SHROOM4: variants seen among roughly 807,000 people sequenced by gnomAD.
The protein encoded by SHROOM4 is shroom family member 4.
In SHROOM4, 17 loss-of-function variants were observed where a neutral mutation model predicts 80.3. That is an observed-to-expected ratio of 0.21 (90% confidence interval 0.14 to 0.32). The LOEUF is 0.32. Ranked by LOEUF, SHROOM4 falls within the 10% of genes least tolerant of loss-of-function variation. SHROOM4 has a pLI of 1.00. For missense variants in SHROOM4, 993 were observed against 1,140.3 expected, an observed-to-expected ratio of 0.87 and a Z score of 1.86; for synonymous variants, 400 against 437.5, an observed-to-expected ratio of 0.91 and a Z score of 1.07.
rs782042090 is a variant in SHROOM4 at position 50,634,350 on chromosome X, G to A, written c.1723C>T (p.Arg575Trp). 6 of 1,210,992 alleles carry A rather than the reference G, an allele frequency of 5.0e-6. No individual in the cohort carries two copies. In the East Asian group the frequency reaches 8.9e-5, roughly 18 times the overall value. ...RMGGRRSGGT[R>W]GRSIQNRRKS... ...CGCCGGTTTTGGATCGAGCGGCCCC[G>A]GGTCCCTCCACTTCGCCTACCACCC... Residue 575 changes from arginine (R) to tryptophan (W), a missense_variant, in exon 4 of 9, where the codon CGG becomes TGG. Transcript: ENST00000376020.
At chrX:50,810,096 G>C (rs1371130189) in intron 1 of SHROOM4, among the ~76,000 whole-genome samples, 1 of 111,121 alleles carries the variant, frequency 9.0e-6, no homozygotes, top group Non-Finnish European at 1.9e-5. Context: ...TCTTACCTAA[G>C]CCTCCTGAGT....
intron 1 of SHROOM4, among the ~76,000 whole-genome samples, chrX:50,777,403 G>A (rs1248812504): frequency 1.8e-5 from 2 of 112,282 alleles, no homozygotes; most frequent in Non-Finnish European, 3.8e-5. Flanking sequence ...ATGTTTAAAT[G>A]AGGATGTATA....
intron 1 of SHROOM4, among the ~76,000 whole-genome samples, chrX:50,790,423 G>A (rs1365232904): frequency 9.0e-6 from 1 of 111,381 alleles, no homozygotes; most frequent in Non-Finnish European, 1.9e-5. Flanking sequence ...AAAAATTGAA[G>A]AGAAGGGAAC....
chrX:50,743,589 C>T (rs1557267412), intron 1 of SHROOM4, among the ~76,000 whole-genome samples: 1 of 110,162 alleles, frequency 9.1e-6, no homozygotes, highest in African/African-American at 3.3e-5. Flanking sequence ...TCCTGAGTAG[C>T]TCAGACTATA....
intron 2 of SHROOM4, among the ~76,000 whole-genome samples, chrX:50,694,319 T>C (rs1247880751): frequency 9.1e-6 from 1 of 109,507 alleles, no homozygotes; most frequent in Non-Finnish European, 1.9e-5. Context: ...TTCACACTCC[T>C]ACCAACAGTG....
chrX:50,740,224 C>G (rs1309931259), intron 1 of SHROOM4, among the ~76,000 whole-genome samples: 1 of 100,431 alleles, frequency 1.0e-5, no homozygotes, highest in Non-Finnish European at 2.0e-5. Flanking sequence ...GGAGATATAC[C>G]TAATGCTAAA....
At chrX:50,642,905 G>A (rs1184221962) in intron 2 of SHROOM4, among the ~76,000 whole-genome samples, 2 of 111,576 alleles carry the variant, frequency 1.8e-5, no homozygotes, top group Non-Finnish European at 3.8e-5. Flanking sequence ...GATACCACAC[G>A]ACCCCTCCTC....
In SHROOM4 at chrX:50,594,366, C is replaced by A. The variant is rs1258367778; in HGVS notation, c.*2329G>T. The stretch of plus-strand genomic sequence containing the variant: ...GGTTATTTTTTAAATGCTTTGGCAA[C>A]TTTCCCTCCATGTGAAAATGAGCAT... On this transcript the variant is annotated 3_prime_UTR_variant, in exon 9 of 9. Coordinates refer to ENST00000376020, the MANE Select transcript of SHROOM4 (RefSeq NM_020717.5). The A allele has an allele frequency of 1.8e-5, 2 of 112,415 alleles. No individual in the cohort carries two copies. The highest frequency in any genetic ancestry group is 3.2e-5 in the African/African-American group (1 of 30,931). The allele number at this position is 112,415 out of a possible 1,213,427, so 9.3% of individuals were successfully genotyped here.
chrX:50,765,872 C>T (rs1557269293), intron 1 of SHROOM4, among the ~76,000 whole-genome samples: 2 of 111,896 alleles, frequency 1.8e-5, no homozygotes, highest in African/African-American at 6.5e-5. Flanking sequence ...CTACTTTAAA[C>T]TAGCCCTAAC....
At chrX:50,736,000 G>A (rs1423181209) in intron 1 of SHROOM4, among the ~76,000 whole-genome samples, 2 of 99,448 alleles carry the variant, frequency 2.0e-5, no homozygotes, top group Non-Finnish European at 4.1e-5. Context: ...GAACGAGACT[G>A]TTTCAAAAAA....
At chrX:50,784,552 T>C (rs1175436378) in intron 1 of SHROOM4, among the ~76,000 whole-genome samples, 1 of 111,985 alleles carries the variant, frequency 8.9e-6, no homozygotes, top group Non-Finnish European at 1.9e-5. Flanking sequence ...GACGTCCATA[T>C]GCAAAAACAA....
intron 1 of SHROOM4, among the ~76,000 whole-genome samples, chrX:50,788,457 A>AT (rs1557271268): frequency 9.0e-6 from 1 of 110,819 alleles, no homozygotes; most frequent in Non-Finnish European, 1.9e-5. Flanking sequence ...AATACAAAAA[A>AT]TTAGCCGGGC....
chrX:50,630,041 G>A (rs1349507211), intron 4 of SHROOM4, among the ~76,000 whole-genome samples: 2 of 111,029 alleles, frequency 1.8e-5, no homozygotes, highest in African/African-American at 6.6e-5. Flanking sequence ...CTGCTTAGCT[G>A]GTCTAACAAG....
chrX:50,762,649 T>C (rs782133460), intron 1 of SHROOM4, among the ~76,000 whole-genome samples: 2 of 111,904 alleles, frequency 1.8e-5, no homozygotes, highest in Admixed American at 9.5e-5. Context: ...TTCTGAAAGG[T>C]AGTTTTGCCA....
At chrX:50,744,031 G>A (rs782759331) in intron 1 of SHROOM4, among the ~76,000 whole-genome samples, 31 of 111,266 alleles carry the variant, frequency 2.8e-4, no homozygotes, top group Middle Eastern at 9.3e-3. Flanking sequence ...CTGCTTTCAG[G>A]ATTTTCCCTT....
chrX:50,622,000 C>T (rs1178913721), intron 5 of SHROOM4, among the ~76,000 whole-genome samples: 1 of 111,835 alleles, frequency 8.9e-6, no homozygotes, highest in Non-Finnish European at 1.9e-5. Flanking sequence ...GCCTGTTTGA[C>T]CTTGGGCAAA....
At chrX:50,792,508 G>GA (rs781965123) in intron 1 of SHROOM4, among the ~76,000 whole-genome samples, 99 of 94,401 alleles carry the variant, frequency 1.0e-3, no homozygotes, top group Middle Eastern at 0.01. Context: ...TCTCTCTCAG[G>GA]AAAAAAAAAA....
At chrX:50,658,962 T>C (rs1557259727) in intron 2 of SHROOM4, among the ~76,000 whole-genome samples, 1 of 111,598 alleles carries the variant, frequency 9.0e-6, no homozygotes, top group East Asian at 2.8e-4. Context: ...ACTTGAGGTA[T>C]TCTGACATGC....
rs1557254945 is a variant in SHROOM4, at chrX:50,633,905, C to T, written c.2168G>A (p.Gly723Glu). The T allele has an allele frequency of 8.3e-7, 1 of 1,211,544 alleles. No homozygotes were observed. Residue 723 changes from glycine to glutamate, a missense_variant, in exon 4 of 9, where the codon GGA becomes GAA. Gly to Glu is a moderately conservative substitution (Grantham distance 98). Transcript: ENST00000376020. ...CTCTGGAGACCATCTCCAATGACCT[C>T]CACGGACTCCACAGTGAGCATGTGC... ...EKAHAHCGVRGGHWRWSPEHN... is the reference protein window; with the variant it reads ...EKAHAHCGVREGHWRWSPEHN...
Sources: gnomAD v4.1 joint callset for allele counts (sites outside exome capture counted in the v4.1 genomes callset) on GRCh38, gnomAD v4.1.1 for gene constraint, MANE v1.5 for transcripts, NCBI Gene and HGNC (gene_info 2026-07-23, HGNC 2026-07-21) for gene names.